The following SLC25A21 variants were observed in gnomAD, a reference collection of about 807,000 sequenced individuals.
The protein encoded by SLC25A21 is solute carrier family 25 member 21.
SLC25A21 carries 47 observed loss-of-function variants against 43.8 expected under a neutral mutation model. That is an observed-to-expected ratio of 1.07 (90% CI 0.85 to 1.37). The LOEUF is 1.37. Among genes scored for constraint, SLC25A21 ranks in the 40% most tolerant of loss-of-function variants. The pLI, the probability that SLC25A21 is intolerant of heterozygous loss-of-function variation, is 0.00. For synonymous variants in SLC25A21, 131 were observed against 121.3 expected (o/e 1.08, Z -0.52); for missense variants, 352 against 350.2 (o/e 1.00, Z -0.04).
At position 36,712,864 on chromosome 14, in the gene SLC25A21, C is replaced by T. The variant is rs540301299; in HGVS notation, c.439-1382G>A. Among the ~76,000 whole-genome samples the T allele has an allele frequency of 3.9e-5, 6 of 152,196 alleles. No homozygotes were observed. The South Asian group carries it at 1.2e-3, about 32-fold the overall frequency. On this transcript the variant is annotated intron_variant, in intron 6 of 9. Transcript: ENST00000331299. The stretch of plus-strand genomic sequence containing the variant: ...ATTTTTTTGTGTTTCAGCACATTGA[C>T]TTTCACCCCCAAATCATTATTTTTT...
intron 9 of SLC25A21, among the ~76,000 whole-genome samples, chr14:36,682,025 C>T (rs530239026): frequency 4.7e-4 from 71 of 152,286 alleles, no homozygotes; most frequent in African/African-American, 1.6e-3. Context: ...TCACAGACTT[C>T]AAGATTCTTT....
intron 7 of SLC25A21, among the ~76,000 whole-genome samples, chr14:36,695,860 CA>C (rs1013819810): frequency 1.3e-5 from 2 of 152,250 alleles, no homozygotes; most frequent in Admixed American, 1.3e-4. Flanking sequence ...CAAACAGAGA[CA>C]ATTTGACTTC....
intron 3 of SLC25A21, among the ~76,000 whole-genome samples, chr14:36,739,602 C>T (rs1156502630): frequency 2.0e-5 from 3 of 151,062 alleles, no homozygotes; most frequent in East Asian, 2.0e-4. Context: ...TGCTTGAACC[C>T]GGGAGGTGGA....
At chr14:36,962,449 C>G (rs1017431365) in intron 1 of SLC25A21, among the ~76,000 whole-genome samples, 7 of 152,078 alleles carry the variant, frequency 4.6e-5, no homozygotes, top group Admixed American at 2.6e-4. Context: ...GTTTTATATC[C>G]TTTGATCTAC....
intron 1 of SLC25A21, among the ~76,000 whole-genome samples, chr14:36,931,157 T>C (rs1892277137): frequency 6.6e-6 from 1 of 152,202 alleles, no homozygotes; most frequent in Non-Finnish European, 1.5e-5. Flanking sequence ...TCTTAGGCCT[T>C]CAATAAATAT....
intron 1 of SLC25A21, among the ~76,000 whole-genome samples, chr14:36,956,400 A>G (rs1211759979): frequency 6.6e-6 from 1 of 152,156 alleles, no homozygotes; most frequent in African/African-American, 2.4e-5. Context: ...GGTGTAAAGT[A>G]TAGAGTTTTA....
intron 1 of SLC25A21, among the ~76,000 whole-genome samples, chr14:37,072,233 A>G (rs868215519): frequency 1.3e-5 from 2 of 151,904 alleles, no homozygotes. Context: ...TTTGTAAAAC[A>G]GCATTTCCAT....
At chr14:36,908,195 A>C (rs1232313101) in intron 1 of SLC25A21, among the ~76,000 whole-genome samples, 1 of 152,166 alleles carries the variant, frequency 6.6e-6, no homozygotes, top group African/African-American at 2.4e-5. Flanking sequence ...ATACCACACC[A>C]AAAGTGAACC....
In SLC25A21 at chr14:36,679,557, T is replaced by G. The variant is rs2139129525; in HGVS notation, c.*1101A>C. 1.0e-6 allele frequency: 1 copy of G among 985,398 alleles called. No individual in the cohort carries two copies. Among genetic ancestry groups the G allele is most frequent in the Non-Finnish European group, 1.2e-6 (1 of 829,894 alleles). The allele number at this position is 985,398 out of a possible 1,614,324, so 61.0% of individuals were successfully genotyped here. ...TTACATCAAGACCAAGGAGATATTTTTGTTGATACATGTTAGTATAGTAAT... is the reference window on the plus strand; with the variant it reads ...TTACATCAAGACCAAGGAGATATTTGTGTTGATACATGTTAGTATAGTAAT... On this transcript the variant is annotated 3_prime_UTR_variant, in exon 10 of 10. Coordinates refer to ENST00000331299, the MANE Select transcript of SLC25A21 (RefSeq NM_030631.4).
At chr14:36,699,048 C>T (rs1342779757) in intron 7 of SLC25A21, among the ~76,000 whole-genome samples, 1 of 150,640 alleles carries the variant, frequency 6.6e-6, no homozygotes, top group East Asian at 1.9e-4. Flanking sequence ...TTCTCCCCAT[C>T]TTTGTGGTTT....
At chr14:36,941,484 A>G (rs913143691) in intron 1 of SLC25A21, among the ~76,000 whole-genome samples, 1 of 152,084 alleles carries the variant, frequency 6.6e-6, no homozygotes, top group African/African-American at 2.4e-5. Context: ...TAATTTTGAT[A>G]TAAATCTTGA....
chr14:36,782,710 C>T (rs921021624), intron 3 of SLC25A21, among the ~76,000 whole-genome samples: 1 of 151,052 alleles, frequency 6.6e-6, no homozygotes, highest in African/African-American at 2.4e-5. Flanking sequence ...GAACAAAAAA[C>T]CAAACACCGC....
At chr14:37,071,140 G>A (rs1011325699) in intron 1 of SLC25A21, among the ~76,000 whole-genome samples, 2 of 152,160 alleles carry the variant, frequency 1.3e-5, no homozygotes, top group East Asian at 1.9e-4. Flanking sequence ...CCAATAGATC[G>A]TCAAGGGCAT....
chr14:36,994,668 G>GT (rs1484417948), intron 1 of SLC25A21, among the ~76,000 whole-genome samples: 2 of 152,060 alleles, frequency 1.3e-5, no homozygotes, highest in Admixed American at 6.6e-5. Context: ...GCGATATTGC[G>GT]TATCTGTCTC....
rs147845807 is a variant in SLC25A21, at chr14:36,934,251, TTTACTA to T, written c.71-59253_71-59248del. The stretch of plus-strand genomic sequence containing the variant: ...TGAATCTCAGGCAAAGTACATGCCT[TTTACTA>T]TTGACTATAATCCAGGCGACCTCAT... On this transcript the variant is annotated intron_variant, in intron 1 of 9. Transcript: ENST00000331299. Among the ~76,000 whole-genome samples the T allele has an allele frequency of 8.9e-3, 1,360 of 152,102 alleles. 28 individuals carry two copies. The highest frequency in any genetic ancestry group is 0.03 in the African/African-American group (1,264 of 41,488).
intron 1 of SLC25A21, among the ~76,000 whole-genome samples, chr14:36,938,016 T>A (rs76467727): frequency 0.086 from 13,053 of 151,848 alleles, 785 homozygotes; most frequent in East Asian, 0.24. Flanking sequence ...TAAAAAAAAA[T>A]TTTTTTTAAT....
chr14:36,734,736 T>A (rs1884965312), intron 3 of SLC25A21, among the ~76,000 whole-genome samples, 163 bp from the exon 4 acceptor site: 1 of 152,200 alleles, frequency 6.6e-6, no homozygotes, highest in Non-Finnish European at 1.5e-5. Context: ...TTATGTCTAT[T>A]AGCATTATGA....
rs1285294257 is a variant in SLC25A21 at position 37,128,536 on chromosome 14, CTCTGTG to C, written c.70+43739_70+43744del. Among the ~76,000 whole-genome samples the C allele has an allele frequency of 3.9e-3, 338 of 87,018 alleles. 2 individuals are homozygous for C. Among genetic ancestry groups the C allele is most frequent in the African/African-American group, 0.015 (322 of 21,244 alleles). The allele number at this position is 87,018 out of a possible 152,430, so 57.1% of individuals were successfully genotyped here. A position where few individuals can be genotyped will look rare whatever the true frequency, so the allele number is the denominator to read the frequency against. On this transcript the variant is annotated intron_variant, in intron 1 of 9. Coordinates refer to ENST00000331299, the MANE Select transcript of SLC25A21 (RefSeq NM_030631.4). ...TTACTTTCTGTCTCTCTCTCTCTCTCTCTGTGTGTGTGTGTGTGTGTGTGTGTGTGT... is the reference window on the plus strand; with the variant it reads ...TTACTTTCTGTCTCTCTCTCTCTCTCTGTGTGTGTGTGTGTGTGTGTGTGT...
chr14:37,092,420 G>GCATC (rs1815835084), intron 1 of SLC25A21, among the ~76,000 whole-genome samples: 1 of 152,096 alleles, frequency 6.6e-6, no homozygotes, highest in African/African-American at 2.4e-5. Context: ...GTTGTTGCTG[G>GCATC]CATCCATCTC....
Sources: gnomAD v4.1 joint callset for allele counts (sites outside exome capture counted in the v4.1 genomes callset) on GRCh38, gnomAD v4.1.1 for gene constraint, MANE v1.5 for transcripts, NCBI Gene and HGNC (gene_info 2026-07-23, HGNC 2026-07-21) for gene names.